The following NDST1 variants were observed in gnomAD, a reference collection of about 807,000 sequenced individuals.
The protein encoded by NDST1 is bifunctional heparan sulfate N-deacetylase/N-sulfotransferase 1.
NDST1 carries 35 observed loss-of-function variants against 92.8 expected under a neutral mutation model. The ratio of observed to expected loss-of-function variants is 0.38; its 90% CI spans 0.29 to 0.50. NDST1 has a LOEUF of 0.50. Ranked by LOEUF, NDST1 falls within the 20% of genes least tolerant of loss-of-function variation. The pLI, the probability that NDST1 is intolerant of heterozygous loss-of-function variation, is 0.94. For synonymous variants in NDST1, 493 were observed against 500.3 expected (o/e 0.99, Z 0.19); for missense variants, 822 against 1,182.7 (o/e 0.69, Z 4.47).
Position 150,521,786 on chromosome 5 carries a change from C to T in NDST1, c.513+19C>T, listed in dbSNP as rs1003921533. On this transcript the variant is annotated intron_variant, in intron 2 of 14. Transcript: ENST00000261797. This position sits in a 1 kb window ranked among gnomAD's most constrained non-coding sequence, Gnocchi z 5.9. ...CTTCAAGGTACACAAGAAGCAGGGT[C>T]CCCGAGCAGTTCAGAGCCCCCTCTG... 6.2e-7 allele frequency: 1 copy of T among 1,611,084 alleles called. No homozygotes were observed. Among genetic ancestry groups the T allele is most frequent in the South Asian group, 1.1e-5 (1 of 91,000 alleles).
At chr5:150,536,523 T>C (rs1329258220) in intron 6 of NDST1, among the ~76,000 whole-genome samples, 1 of 151,916 alleles carries the variant, frequency 6.6e-6, no homozygotes, top group Non-Finnish European at 1.5e-5. Context: ...AAAAAAATTT[T>C]TTTTTCCCCT....
At chr5:150,518,085 G>T (rs569020313) in intron 1 of NDST1, among the ~76,000 whole-genome samples, 1 of 152,314 alleles carries the variant, frequency 6.6e-6, no homozygotes, top group South Asian at 2.1e-4. Context: ...TTCTTGCCCT[G>T]CTCTCAGCTA....
rs745645696 is a variant in NDST1, at chr5:150,545,501, G to T, written c.2145+15G>T. 6.2e-7 allele frequency: 1 copy of T among 1,614,090 alleles called. No individual in the cohort carries two copies. On this transcript the variant is annotated intron_variant, in intron 11 of 14. Transcript: ENST00000261797. ...CCTGGTACCAGGTGAGTGGGGCTGGGGTGGAGTCCCTGTGTCGGGAACACA... is the reference window on the plus strand; with the variant it reads ...CCTGGTACCAGGTGAGTGGGGCTGGTGTGGAGTCCCTGTGTCGGGAACACA...
chr5:150,501,225 G>A (rs938030249), intron 1 of NDST1, among the ~76,000 whole-genome samples: 2 of 152,170 alleles, frequency 1.3e-5, no homozygotes, highest in African/African-American at 4.8e-5. Flanking sequence ...GCTGACCACA[G>A]GAAAAGGGCA....
At chr5:150,526,224 G>A (rs1437472946) in intron 2 of NDST1, among the ~76,000 whole-genome samples, 1 of 152,196 alleles carries the variant, frequency 6.6e-6, no homozygotes, top group African/African-American at 2.4e-5. Context: ...GTAATCTACT[G>A]TTCCACAAAT....
chr5:150,518,772 T>C (rs1754103842), intron 1 of NDST1: 1 of 148,516 alleles, frequency 6.7e-6, no homozygotes, highest in African/African-American at 2.5e-5. Context: ...CATATGCTTG[T>C]ATTATAATTG....
rs78929578 is a variant in NDST1, at chr5:150,543,188, C to T, written c.1970+217C>T. ...GAGGCCCTTTGCCCCTTTGCTCTAC[C>T]GCCTGTAGTCAGACGCTGAGGTCGA... On this transcript the variant is annotated intron_variant, in intron 10 of 14. Transcript: ENST00000261797. Among the ~76,000 whole-genome samples, 319 of 152,332 alleles carry T rather than the reference C, an allele frequency of 2.1e-3. 1 individual carries two copies. The highest frequency in any genetic ancestry group is 3.4e-3 in the Non-Finnish European group (230 of 68,028).
rs1755828568 is a variant in NDST1 at position 150,554,365 on chromosome 5, T to G, written c.*1033T>G. 2 of 155,144 alleles carry G rather than the reference T, an allele frequency of 1.3e-5. No individual in the cohort carries two copies. Among genetic ancestry groups the G allele is most frequent in the East Asian group, 3.5e-4 (2 of 5,724 alleles). The allele number at this position is 155,144 out of a possible 1,614,324, so 9.6% of individuals were successfully genotyped here. A position where few individuals can be genotyped will look rare whatever the true frequency, so the allele number is the denominator to read the frequency against. On this transcript the variant is annotated 3_prime_UTR_variant, in exon 15 of 15. Coordinates refer to ENST00000261797, the MANE Select transcript of NDST1 (RefSeq NM_001543.5). The stretch of plus-strand genomic sequence containing the variant: ...TATATATATATATATATATAATGTG[T>G]ATATATATATATTCTATTTTTTTTG...
intron 1 of NDST1, among the ~76,000 whole-genome samples, chr5:150,517,091 A>G (rs973627210): frequency 2.0e-5 from 3 of 151,784 alleles, no homozygotes; most frequent in Non-Finnish European, 4.4e-5. Context: ...TATTTCCCAT[A>G]TGCCTTCTTC....
intron 8 of NDST1, among the ~76,000 whole-genome samples, chr5:150,541,331 T>C (rs966153211): frequency 3.9e-5 from 6 of 152,188 alleles, no homozygotes; most frequent in Admixed American, 3.3e-4. Flanking sequence ...AACAAGTGCT[T>C]ATGAGTTCCT....
At chr5:150,550,462 C>G (rs1755672427) in intron 13 of NDST1, 1 of 154,630 alleles carries the variant, frequency 6.5e-6, no homozygotes, top group African/African-American at 2.4e-5. Flanking sequence ...CGTACTCACT[C>G]AGAACCTGGT....
intron 13 of NDST1, among the ~76,000 whole-genome samples, 161 bp downstream of exon 13, chr5:150,549,948 C>T (rs1323737001): frequency 6.6e-6 from 1 of 151,836 alleles, no homozygotes; most frequent in Non-Finnish European, 1.5e-5. Flanking sequence ...AAGGTATCAC[C>T]TTAAAAAAAA....
chr5:150,504,099 C>T (rs180995305), upstream of NDST1, among the ~76,000 whole-genome samples: 1 of 152,222 alleles, frequency 6.6e-6, no homozygotes, highest in Admixed American at 6.5e-5. Flanking sequence ...CCTTCAGAAC[C>T]CACACTTCAC....
rs114792783 is a variant in NDST1 at position 150,535,532 on chromosome 5, A to G, written c.1252-168A>G. ...AGTTGCCCACACTGAGATTCTGGGC[A>G]CATTCCTTGCCCTCCCAGGCCTCAG... On this transcript the variant is annotated intron_variant, in intron 5 of 14. Transcript: ENST00000261797. The G allele has an allele frequency of 3.8e-3, 2,539 of 675,548 alleles. 68 individuals are homozygous for G. The African/African-American group carries it at 0.046, about 12-fold the overall frequency. 41.8% of individuals were successfully genotyped at this position (675,548 alleles called of 1,614,324 possible). A position where few individuals can be genotyped will look rare whatever the true frequency, so the allele number is the denominator to read the frequency against.
intron 2 of NDST1, among the ~76,000 whole-genome samples, chr5:150,522,765 G>C (rs540337075): frequency 6.6e-6 from 1 of 152,254 alleles, no homozygotes; most frequent in Admixed American, 6.5e-5. Flanking sequence ...GCAGGGAAAG[G>C]ACACAGAGGG....
chr5:150,521,427 ACCCGCCG>A lies in NDST1; in HGVS notation c.176_182del (p.Pro59LeufsTer118). 6.2e-7 allele frequency: 1 copy of A among 1,611,156 alleles called. No homozygotes were observed. The highest frequency in any genetic ancestry group is 8.5e-7 in the Non-Finnish European group (1 of 1,179,568). On this transcript the variant is annotated frameshift_variant, in exon 2 of 15. Coordinates refer to ENST00000261797, the MANE Select transcript of NDST1 (RefSeq NM_001543.5). LOFTEE classifies it high-confidence loss of function. The surrounding 1 kb of genome is among the most constrained non-coding windows in gnomAD (Gnocchi z 5.9). ...GATGCCCCCGAGCCTGACTGCGGGG[ACCCGCCG>A]CCTGTGGCCCCCAGTCGCCTGCTGC...
intron 1 of NDST1, among the ~76,000 whole-genome samples, chr5:150,509,476 C>T (rs1024373370): frequency 1.3e-5 from 2 of 152,174 alleles, no homozygotes; most frequent in African/African-American, 2.4e-5. Context: ...TCGCTCCTGC[C>T]TCTTCCTTAG....
chr5:150,535,175 C>G (rs569209262), intron 5 of NDST1, 154 bp downstream of exon 5: 1 of 815,448 alleles, frequency 1.2e-6, no homozygotes, highest in Non-Finnish European at 1.5e-6. Context: ...TTTATAGCCA[C>G]TGTCTCCTTG....
intron 1 of NDST1, 95 bp from the exon 2 acceptor site, chr5:150,520,773 C>A: frequency 2.5e-6 from 1 of 398,126 alleles, no homozygotes; most frequent in Non-Finnish European, 4.4e-6. Context: ...GCCGTACTTG[C>A]ATTTGGGCAT....
Sources: gnomAD v4.1 joint callset for allele counts (sites outside exome capture counted in the v4.1 genomes callset) on GRCh38, gnomAD v4.1.1 for gene constraint, Gnocchi (gnomAD v3.1) non-coding constraint, MANE v1.5 for transcripts, NCBI Gene and HGNC (gene_info 2026-07-23, HGNC 2026-07-21) for gene names.